Variants in EXOC4 observed in about 807,000 individuals in gnomAD.
EXOC4 encodes the protein exocyst complex component 4.
In EXOC4, 71 loss-of-function variants were observed where a neutral mutation model predicts 107.2. That is an observed-to-expected ratio of 0.66 (90% CI 0.55 to 0.81). The LOEUF is 0.81. EXOC4 is among the 30% of genes least tolerant of loss of function. The pLI is 0.00. For synonymous variants in EXOC4, 456 were observed against 441.2 expected, an observed-to-expected ratio of 1.03 and a Z score of -0.42; for missense variants, 1,108 against 1,189.6, an observed-to-expected ratio of 0.93 and a Z score of 1.01.
At chr7:133,969,856 G>A (rs1204579589) in intron 14 of EXOC4, among the ~76,000 whole-genome samples, 1 of 152,228 alleles carries the variant, frequency 6.6e-6, no homozygotes, top group African/African-American at 2.4e-5. Context: ...CCTTAGCAGA[G>A]CTTGAGTGCT....
Position 133,428,604 on chromosome 7 carries a change from A to G in EXOC4, c.1183-46724A>G, listed in dbSNP as rs1797780632. The stretch of plus-strand genomic sequence containing the variant: ...GCTTTGGCTAGTTATGCACAGACTC[A>G]ATGCTTAGAAATTTGCTGTTGTAGA... On this transcript the variant is annotated intron_variant, in intron 7 of 17. Coordinates refer to ENST00000253861, the MANE Select transcript of EXOC4 (RefSeq NM_021807.4). Among the ~76,000 whole-genome samples, 4 of 152,188 alleles carry G rather than the reference A, an allele frequency of 2.6e-5. No homozygotes were observed. In the South Asian group the frequency reaches 8.3e-4, roughly 32 times the overall value.
chr7:133,300,624 T>C (rs1244775316), intron 3 of EXOC4, among the ~76,000 whole-genome samples: 2 of 152,236 alleles, frequency 1.3e-5, no homozygotes, highest in African/African-American at 4.8e-5. Context: ...TGCTTGCACA[T>C]TTATGTCACA....
intron 13 of EXOC4, among the ~76,000 whole-genome samples, chr7:133,936,508 G>C (rs1800303516): frequency 6.6e-6 from 1 of 152,168 alleles, no homozygotes; most frequent in African/African-American, 2.4e-5. Context: ...GGTAAGGTGT[G>C]TGAGATTTTA....
At chr7:134,069,324 C>G (rs902651434), downstream of EXOC4, among the ~76,000 whole-genome samples, 1 of 96,876 alleles carries the variant, frequency 1.0e-5, no homozygotes, top group Non-Finnish European at 2.0e-5. Flanking sequence ...TCCTTCTCCC[C>G]CTCCTTCTCC....
rs569156223 is a variant in EXOC4 at position 133,736,737 on chromosome 7, A to G, written c.1515-80588A>G. ...TTCCAAAAATACTACTTCTGCCCCA[A>G]TTATTAACCTGGGTAGTTGTTCTAA... On this transcript the variant is annotated intron_variant, in intron 10 of 17. Transcript: ENST00000253861. Among the ~76,000 whole-genome samples, 9 of 152,146 alleles carry G rather than the reference A, an allele frequency of 5.9e-5. 1 individual carries two copies. The South Asian group carries it at 1.9e-3, about 32-fold the overall frequency.
At chr7:133,266,845 G>T (rs1793740959) in intron 1 of EXOC4, among the ~76,000 whole-genome samples, 1 of 152,154 alleles carries the variant, frequency 6.6e-6, no homozygotes. Context: ...ATTTCTTTTA[G>T]AATTTAGGAC....
intron 9 of EXOC4, among the ~76,000 whole-genome samples, chr7:133,539,488 T>A (rs149515857): frequency 6.6e-6 from 1 of 152,148 alleles, no homozygotes; most frequent in Non-Finnish European, 1.5e-5. Flanking sequence ...GCAAGACTGA[T>A]TGTTAACAGA....
intron 9 of EXOC4, among the ~76,000 whole-genome samples, chr7:133,561,937 C>T (rs1205819368): frequency 6.6e-6 from 1 of 152,190 alleles, no homozygotes; most frequent in East Asian, 1.9e-4. Context: ...TACTTGGTGT[C>T]ATTTATCTCA....
At chr7:133,992,655 G>A (rs1378592629) in intron 14 of EXOC4, among the ~76,000 whole-genome samples, 1 of 150,968 alleles carries the variant, frequency 6.6e-6, no homozygotes, top group Non-Finnish European at 1.5e-5. Context: ...GTTTTGGGGT[G>A]GAGTCTTTAG....
At chr7:133,966,048 G>C (rs909033420) in intron 14 of EXOC4, among the ~76,000 whole-genome samples, 2 of 152,124 alleles carry the variant, frequency 1.3e-5, no homozygotes, top group African/African-American at 4.8e-5. Context: ...CACATCCCTT[G>C]TAAGTTTGAT....
chr7:133,705,168 C>T (rs1377143826), intron 10 of EXOC4, among the ~76,000 whole-genome samples: 1 of 152,070 alleles, frequency 6.6e-6, no homozygotes, highest in African/African-American at 2.4e-5. Context: ...GTTCTCAAGA[C>T]CAGCCTGGCC....
At chr7:133,523,684 T>C (rs192364357) in intron 9 of EXOC4, among the ~76,000 whole-genome samples, 404 of 151,152 alleles carry the variant, frequency 2.7e-3, no homozygotes, top group Non-Finnish European at 3.8e-3. Flanking sequence ...TGAGTGAGAA[T>C]ATGTGGTATT....
chr7:133,700,536 G>A (rs570726615), intron 10 of EXOC4, among the ~76,000 whole-genome samples: 2 of 152,276 alleles, frequency 1.3e-5, no homozygotes, highest in Non-Finnish European at 2.9e-5. Context: ...TCATTAGCAA[G>A]GGGGCTATCT....
chr7:133,697,431 T>A (rs1021905169), intron 10 of EXOC4, among the ~76,000 whole-genome samples: 1 of 152,170 alleles, frequency 6.6e-6, no homozygotes, highest in Admixed American at 6.5e-5. Flanking sequence ...GCATTGAAGG[T>A]TTTTAAAACT....
intron 9 of EXOC4, among the ~76,000 whole-genome samples, chr7:133,518,283 C>T (rs986447751): frequency 4.0e-5 from 6 of 150,784 alleles, no homozygotes; most frequent in Admixed American, 6.6e-5. Context: ...GAAATTTTGC[C>T]CCCCACCCCC....
chr7:133,404,123 CAG>C (rs1797156396), intron 7 of EXOC4, among the ~76,000 whole-genome samples: 1 of 152,138 alleles, frequency 6.6e-6, no homozygotes. Flanking sequence ...TTGTTTGATA[CAG>C]AGTCTTCTCT....
At chr7:133,902,129 A>G (rs905579851) in intron 12 of EXOC4, among the ~76,000 whole-genome samples, 2 of 152,206 alleles carry the variant, frequency 1.3e-5, no homozygotes, top group Admixed American at 1.3e-4. Flanking sequence ...AATTTTGCCT[A>G]CAATTCCAAA....
chr7:133,514,405 G>A lies in EXOC4; in HGVS notation c.1417+34267G>A, dbSNP rs192620703. Reference sequence around the variant, plus strand: ...TCTCAATCTGCTGACCTCATGATCCGCCTTTCTCAGCCTTCCAAAGTGCTG... The same window carrying A: ...TCTCAATCTGCTGACCTCATGATCCACCTTTCTCAGCCTTCCAAAGTGCTG... On this transcript the variant is annotated intron_variant, in intron 9 of 17. Transcript: ENST00000253861. 6.9e-4 allele frequency among the ~76,000 whole-genome samples: 105 copies of A among 152,116 alleles called. 1 individual carries two copies. The highest frequency in any genetic ancestry group is 6.8e-3 in the Middle Eastern group (2 of 294).
At chr7:133,705,846 A>C (rs563353318) in intron 10 of EXOC4, among the ~76,000 whole-genome samples, 3 of 152,348 alleles carry the variant, frequency 2.0e-5, no homozygotes, top group South Asian at 2.1e-4. Flanking sequence ...AATGGTGTGC[A>C]ATTTAAAATG....
Sources: allele counts gnomAD v4.1 joint callset (sites outside exome capture counted in the v4.1 genomes callset), GRCh38; gene constraint gnomAD v4.1.1; transcripts MANE v1.5; gene names NCBI Gene and HGNC (gene_info 2026-07-23, HGNC 2026-07-21).